IL17REL: variants seen among roughly 807,000 people sequenced by gnomAD.
IL17REL encodes the protein interleukin-17 receptor E-like protein.
A neutral mutation model predicts 49.0 loss-of-function variants in IL17REL; 36 were observed. That is an observed-to-expected ratio of 0.73 (90% CI 0.56 to 0.97). The LOEUF (loss-of-function observed/expected upper bound fraction) is 0.97. Ranked by LOEUF, IL17REL falls within the 50% of genes least tolerant of loss-of-function variation. The pLI is 0.00. For synonymous variants in IL17REL, 206 were observed against 192.4 expected, an observed-to-expected ratio of 1.07 and a Z score of -0.58; for missense variants, 470 against 453.9, an observed-to-expected ratio of 1.04 and a Z score of -0.32.
chr22:50,001,249 G>A lies in IL17REL; in HGVS notation c.-41-18C>T, dbSNP rs940112321. On this transcript the variant is annotated intron_variant, in intron 1 of 12. Transcript: ENST00000341280. Reference sequence around the variant, plus strand: ...AATGTTCCCTGGGGAGGGAGAAGGAGCGTGAGGCCTCGAGTTCCCTGGTGC... The same window carrying A: ...AATGTTCCCTGGGGAGGGAGAAGGAACGTGAGGCCTCGAGTTCCCTGGTGC... The A allele has an allele frequency of 1.8e-5, 20 of 1,120,448 alleles. No homozygotes were observed. The East Asian group carries it at 4.6e-4, about 26-fold the overall frequency. The allele number at this position is 1,120,448 out of a possible 1,614,324, so 69.4% of individuals were successfully genotyped here. A position where few individuals can be genotyped will look rare whatever the true frequency, so the allele number is the denominator to read the frequency against.
chr22:49,998,459 TGTGCATGG>T (rs773929565), intron 7 of IL17REL, 150 bp from the exon 10 acceptor site: 69 of 721,516 alleles, frequency 9.6e-5, no homozygotes, highest in Non-Finnish European at 1.5e-4. Context: ...TGTGCACGTG[TGTGCATGG>T]GTGCATGTGC....
At chr22:49,999,202 C>G (rs2061058221) in intron 7 of IL17REL, 89 bp downstream of exon 9, 19 of 1,494,252 alleles carry the variant, frequency 1.3e-5, no homozygotes, top group Middle Eastern at 3.6e-4. Flanking sequence ...TGCTCCTTAT[C>G]TCATCCCCCC....
chr22:49,992,035 GACAA>G (rs2061009062), downstream of IL17REL, among the ~76,000 whole-genome samples: 1 of 152,176 alleles, frequency 6.6e-6, no homozygotes, highest in East Asian at 1.9e-4. Context: ...ACAGATAAGA[GACAA>G]ACAGTTGCAT....
upstream of IL17REL, among the ~76,000 whole-genome samples, chr22:50,011,460 T>C (rs181803006): frequency 8.6e-5 from 13 of 152,004 alleles, no homozygotes; most frequent in African/African-American, 2.7e-4. Flanking sequence ...CAGCTTGCAC[T>C]TCAAGGCCGC....
At chr22:50,001,665 G>A (rs2061081075) in intron 1 of IL17REL, among the ~76,000 whole-genome samples, 1 of 152,264 alleles carries the variant, frequency 6.6e-6, no homozygotes, top group Admixed American at 6.5e-5. Flanking sequence ...TCTGTCCACA[G>A]GGAAGCGGCC....
intron 1 of IL17REL, among the ~76,000 whole-genome samples, chr22:50,002,288 G>C (rs1428040041): frequency 6.6e-6 from 1 of 152,200 alleles, no homozygotes; most frequent in African/African-American, 2.4e-5. Flanking sequence ...CTCCCGCTCT[G>C]TGGAGTGCTC....
intron 1 of IL17REL, among the ~76,000 whole-genome samples, chr22:50,005,662 C>T (rs2061105665): frequency 6.6e-6 from 1 of 151,902 alleles, no homozygotes; most frequent in Non-Finnish European, 1.5e-5. Context: ...ATTAGCTGGG[C>T]ATGGTGCTGC....
chr22:49,999,356 G>A lies in IL17REL; in HGVS notation c.547-11C>T. 1 of 1,612,908 alleles carries A rather than the reference G, an allele frequency of 6.2e-7. No individual in the cohort carries two copies. Among genetic ancestry groups the A allele is most frequent in the Non-Finnish European group, 8.5e-7 (1 of 1,179,984 alleles). Reference sequence around the variant, plus strand: ...GGTCGCAGACCAGCCCTGTGGGAGGGGCTGGGGTCAGCGCAGCCCACCCAT... The same window carrying A: ...GGTCGCAGACCAGCCCTGTGGGAGGAGCTGGGGTCAGCGCAGCCCACCCAT... On this transcript the variant is annotated splice_polypyrimidine_tract_variant and intron_variant, in intron 6 of 12. Transcript: ENST00000341280.
chr22:50,007,180 T>C (rs548522377), intron 1 of IL17REL, among the ~76,000 whole-genome samples: 1 of 152,002 alleles, frequency 6.6e-6, no homozygotes, highest in East Asian at 1.9e-4. Context: ...ACTATTAATA[T>C]CAGGACTCAA....
chr22:49,998,301 C>A (rs777012792), exon 8 of IL17REL: 1 of 1,603,160 alleles, frequency 6.2e-7, no homozygotes, highest in Admixed American at 1.7e-5. Context: ...ACCTCCAGTG[C>A]CTCAGTGTCT....
chr22:50,007,045 C>A (rs2061114391), intron 1 of IL17REL, among the ~76,000 whole-genome samples: 2 of 151,292 alleles, frequency 1.3e-5, no homozygotes, highest in Admixed American at 6.6e-5. Flanking sequence ...AAATTCAATA[C>A]CTATTCATGA....
intron 1 of IL17REL, among the ~76,000 whole-genome samples, chr22:50,004,226 G>T (rs762991184): frequency 2.0e-5 from 3 of 151,996 alleles, no homozygotes; most frequent in African/African-American, 7.2e-5. Context: ...CTACAGGTGC[G>T]TACCACCACA....
intron 1 of IL17REL, among the ~76,000 whole-genome samples, chr22:50,003,097 C>T (rs1297994180): frequency 6.6e-6 from 1 of 152,078 alleles, no homozygotes; most frequent in East Asian, 1.9e-4. Flanking sequence ...GCAGCCGGAC[C>T]GAGTATGAGA....
chr22:49,997,326 T>C (rs2061042027), exon 11 of IL17REL: 1 of 1,613,332 alleles, frequency 6.2e-7, no homozygotes, highest in African/African-American at 1.3e-5. Flanking sequence ...TCACTGAGGC[T>C]GAAGGGAGCG....
At chr22:50,011,218 C>A (rs2061139572), upstream of IL17REL, among the ~76,000 whole-genome samples, 1 of 151,540 alleles carries the variant, frequency 6.6e-6, no homozygotes, top group Non-Finnish European at 1.5e-5. Context: ...TCCCTCAGCC[C>A]CGCCAAACCC....
chr22:50,009,282 C>G (rs923352094), upstream of IL17REL, among the ~76,000 whole-genome samples: 8 of 151,900 alleles, frequency 5.3e-5, no homozygotes, highest in Non-Finnish European at 1.0e-4. Flanking sequence ...AAGCTGCACT[C>G]CTGATTTATG....
exon 9 of IL17REL, chr22:49,998,043 C>G (rs776491040): frequency 1.3e-6 from 2 of 1,594,628 alleles, no homozygotes; most frequent in Non-Finnish European, 1.7e-6. Context: ...AGAGCTGGGG[C>G]TGGGTGTCCA....
At chr22:50,000,919 G>C in intron 2 of IL17REL, 56 bp from the exon 4 acceptor site, 2 of 1,390,572 alleles carry the variant, frequency 1.4e-6, no homozygotes, top group Non-Finnish European at 1.9e-6. Flanking sequence ...CCCTGGCTCC[G>C]GACGGGGCCG....
upstream of IL17REL, chr22:50,012,446 C>T (rs577890118): frequency 2.0e-5 from 3 of 152,702 alleles, no homozygotes; most frequent in African/African-American, 7.2e-5. Flanking sequence ...CAACCCCTCA[C>T]CTGCTGATGT....
Sources: gnomAD v4.1 joint callset for allele counts (sites outside exome capture counted in the v4.1 genomes callset) on GRCh38, gnomAD v4.1.1 for gene constraint, MANE v1.5 for transcripts, NCBI Gene and HGNC (gene_info 2026-07-23, HGNC 2026-07-21) for gene names.